Variants in GSG1L observed in about 807,000 individuals in gnomAD.
GSG1L encodes germ cell-specific gene 1-like protein.
Under a neutral mutation model 42.1 loss-of-function variants are expected in GSG1L, and 24 were observed. The ratio of observed to expected loss-of-function variants is 0.57; its 90% confidence interval spans 0.41 to 0.80. The LOEUF is 0.80. Ranked by LOEUF, GSG1L falls within the 30% of genes least tolerant of loss-of-function variation. The pLI, the probability that GSG1L is intolerant of heterozygous loss-of-function variation, is 0.00. For synonymous variants in GSG1L, 215 were observed against 203.5 expected, an observed-to-expected ratio of 1.06 and a Z score of -0.48; for missense variants, 445 against 472.2, an observed-to-expected ratio of 0.94 and a Z score of 0.53.
chr16:27,794,004 T>C (rs2082788416), intron 6 of GSG1L, among the ~76,000 whole-genome samples: 1 of 145,830 alleles, frequency 6.9e-6, no homozygotes, highest in African/African-American at 2.4e-5. Context: ...CTTCCTAAAC[T>C]GTTTTTTTGT....
At chr16:27,848,545 T>C (rs947612437) in intron 3 of GSG1L, among the ~76,000 whole-genome samples, 2 of 151,838 alleles carry the variant, frequency 1.3e-5, no homozygotes, top group Admixed American at 6.6e-5. Flanking sequence ...TTCCAGGGGG[T>C]TGGGGAGTGG....
At chr16:28,049,679 C>G (rs1382097038) in intron 1 of GSG1L, among the ~76,000 whole-genome samples, 2 of 144,976 alleles carry the variant, frequency 1.4e-5, no homozygotes, top group African/African-American at 5.0e-5. Context: ...ACAGTGAGAC[C>G]CTGTCTCAAA....
At chr16:27,980,540 C>T (rs1035869380) in intron 1 of GSG1L, among the ~76,000 whole-genome samples, 3 of 152,190 alleles carry the variant, frequency 2.0e-5, no homozygotes, top group African/African-American at 4.8e-5. Context: ...CTAATCTGCA[C>T]GACAGCCTAT....
intron 5 of GSG1L, among the ~76,000 whole-genome samples, chr16:27,826,614 G>T (rs1207245336): frequency 1.3e-5 from 2 of 152,160 alleles, no homozygotes; most frequent in African/African-American, 4.8e-5. Flanking sequence ...GATAAAGGCT[G>T]ATCCCTGCTA....
chr16:27,898,691 TC>T (rs2141039879), intron 2 of GSG1L, among the ~76,000 whole-genome samples: 1 of 151,882 alleles, frequency 6.6e-6, no homozygotes, highest in African/African-American at 2.4e-5. Flanking sequence ...TCTCTCTCTC[TC>T]TCTCTGTCTC....
At chr16:27,867,015 G>C (rs1440918939) in intron 3 of GSG1L, among the ~76,000 whole-genome samples, 2 of 152,114 alleles carry the variant, frequency 1.3e-5, no homozygotes, top group Non-Finnish European at 2.9e-5. Flanking sequence ...TATTTGAAGG[G>C]GCAGAAAGAT....
rs1404047394 is a variant in GSG1L at position 27,864,311 on chromosome 16, G to GTTTCCAAAGGAAACT, written c.551-19251_551-19250insAGTTTCCTTTGGAAA. ...ATGGCATGAGGGTGGAAAAGAGATA[G>GTTTCCAAAGGAAACT]TTTCCAAAGGAAAGTCATTGTGTTC... On this transcript the variant is annotated intron_variant, in intron 3 of 6. Transcript: ENST00000447459. 5.3e-4 allele frequency among the ~76,000 whole-genome samples: 80 copies of GTTTCCAAAGGAAACT among 152,332 alleles called. 1 individual carries two copies. The highest frequency in any genetic ancestry group is 1.5e-3 in the African/African-American group (61 of 41,574).
chr16:27,938,131 C>T (rs763635426), intron 2 of GSG1L, among the ~76,000 whole-genome samples: 6 of 152,074 alleles, frequency 3.9e-5, no homozygotes, highest in Non-Finnish European at 8.8e-5. Flanking sequence ...TGCAGAGAGG[C>T]GCCCCTTGGG....
intron 5 of GSG1L, among the ~76,000 whole-genome samples, chr16:27,810,253 C>T (rs1217327472): frequency 6.6e-6 from 1 of 152,040 alleles, no homozygotes; most frequent in African/African-American, 2.4e-5. Flanking sequence ...CTGCAGTGGG[C>T]AGATTGCTTG....
intron 1 of GSG1L, among the ~76,000 whole-genome samples, chr16:27,968,542 C>T (rs1163712971): frequency 1.3e-5 from 2 of 152,132 alleles, no homozygotes; most frequent in Admixed American, 6.6e-5. Flanking sequence ...TGATCTACCA[C>T]GCCCGGCCCT....
intron 1 of GSG1L, among the ~76,000 whole-genome samples, chr16:28,030,389 C>T (rs1442569655): frequency 6.6e-6 from 1 of 152,076 alleles, no homozygotes; most frequent in Non-Finnish European, 1.5e-5. Context: ...TGGATATAAA[C>T]CTGGAGCTGC....
At chr16:28,017,888 A>C (rs1202386323) in intron 1 of GSG1L, among the ~76,000 whole-genome samples, 1 of 152,150 alleles carries the variant, frequency 6.6e-6, no homozygotes, top group Non-Finnish European at 1.5e-5. Context: ...GAGGGACGGG[A>C]TGTGATGGGG....
intron 5 of GSG1L, among the ~76,000 whole-genome samples, chr16:27,809,785 T>C (rs1296616859): frequency 1.3e-5 from 2 of 152,172 alleles, no homozygotes; most frequent in Admixed American, 6.5e-5. Context: ...TGTCCCCTTT[T>C]CCCCACCCTC....
At chr16:27,990,437 C>T (rs2085442549) in intron 1 of GSG1L, among the ~76,000 whole-genome samples, 1 of 152,046 alleles carries the variant, frequency 6.6e-6, no homozygotes, top group African/African-American at 2.4e-5. Context: ...ACTTATTATG[C>T]CAAGGTTTTG....
rs58231045 is a variant in GSG1L, at chr16:27,819,633, C to T, written c.830+9156G>A. ...TGGGTCAGAGCTGCACAGGCCGGAA[C>T]ATGGCCGGGCTGGGGAGCTGTGTAT... is the stretch of plus-strand genomic sequence containing the variant. On this transcript the variant is annotated intron_variant, in intron 5 of 6. Coordinates refer to ENST00000447459, the MANE Select transcript of GSG1L (RefSeq NM_001109763.2). 7.6e-3 allele frequency among the ~76,000 whole-genome samples: 1,163 copies of T among 152,312 alleles called. 70 individuals carry two copies. In the East Asian group the frequency reaches 0.16, roughly 21 times the overall value.
At chr16:27,813,606 T>C (rs527333302) in intron 5 of GSG1L, among the ~76,000 whole-genome samples, 5 of 152,350 alleles carry the variant, frequency 3.3e-5, no homozygotes, top group Admixed American at 3.3e-4. Flanking sequence ...GTTGCCATTC[T>C]GGAAAGAGCT....
At chr16:28,062,970 G>A in intron 1 of GSG1L, 106 bp downstream of exon 1, 2 of 1,205,710 alleles carry the variant, frequency 1.7e-6, no homozygotes, top group Non-Finnish European at 2.1e-6. Flanking sequence ...TGGGAGCTGG[G>A]CCCAGGCGGC....
At chr16:27,812,567 G>C (rs895754216) in intron 5 of GSG1L, among the ~76,000 whole-genome samples, 3 of 152,112 alleles carry the variant, frequency 2.0e-5, no homozygotes, top group Non-Finnish European at 4.4e-5. Context: ...CAAGCCCAGT[G>C]GTTCTCAGCT....
intron 2 of GSG1L, among the ~76,000 whole-genome samples, chr16:27,889,528 T>C (rs1236940570): frequency 6.6e-6 from 1 of 152,238 alleles, no homozygotes; most frequent in Non-Finnish European, 1.5e-5. Flanking sequence ...TTTCTGTCTT[T>C]GGAGGATTGT....
Sources: allele counts gnomAD v4.1 joint callset (sites outside exome capture counted in the v4.1 genomes callset), GRCh38; gene constraint gnomAD v4.1.1; transcripts MANE v1.5; gene names NCBI Gene and HGNC (gene_info 2026-07-23, HGNC 2026-07-21).